The following CHST4 variants were observed in gnomAD, a reference collection of about 807,000 sequenced individuals.
The protein encoded by CHST4 is GST-3.
For synonymous variants in CHST4, 171 were observed against 195.5 expected (o/e 0.87, Z 1.05); for missense variants, 466 against 506.0 (o/e 0.92, Z 0.76).
chr16:71,528,889 T>C (rs920739047), intron 1 of CHST4, among the ~76,000 whole-genome samples: 3 of 152,160 alleles, frequency 2.0e-5, no homozygotes, highest in Non-Finnish European at 2.9e-5. Context: ...GGCACCTTCG[T>C]GGTTCCTGTG....
intron 1 of CHST4, among the ~76,000 whole-genome samples, chr16:71,536,123 T>C (rs2145207242): frequency 6.6e-6 from 1 of 152,304 alleles, no homozygotes; most frequent in Admixed American, 6.5e-5. Flanking sequence ...TGTGCTTAAC[T>C]GCAGTGAGGG....
At chr16:71,534,895 C>A (rs2043976190) in intron 1 of CHST4, among the ~76,000 whole-genome samples, 1 of 152,206 alleles carries the variant, frequency 6.6e-6, no homozygotes, top group East Asian at 1.9e-4. Context: ...TTACAATGTG[C>A]AATAGCTATT....
chr16:71,537,029 C>T lies in CHST4; in HGVS notation c.352C>T (p.Arg118Trp), dbSNP rs762711627. 26 of 1,614,114 alleles carry T rather than the reference C, an allele frequency of 1.6e-5. No individual in the cohort carries two copies. The highest frequency in any genetic ancestry group is 2.7e-5 in the African/African-American group (2 of 75,020). ...TGATGCCTACATGGAACCTGGTCCC[C>T]GGAGACAGTCCAGCCTCTTTCAGTG... ...VFDAYMEPGP[R>W]RQSSLFQWEN... Residue 118 changes from arginine to tryptophan, a missense_variant, in exon 2 of 2, where the codon CGG becomes TGG. Coordinates refer to ENST00000539698, the MANE Select transcript of CHST4 (RefSeq NM_001166395.2). This position sits in a 1 kb window ranked among gnomAD's most constrained non-coding sequence, Gnocchi z 4.2.
chr16:71,533,559 T>TAGC (rs2043964527), intron 1 of CHST4, among the ~76,000 whole-genome samples: 1 of 151,760 alleles, frequency 6.6e-6, no homozygotes, highest in Admixed American at 6.6e-5. Flanking sequence ...AGCAGATAAA[T>TAGC]AGCAGCTGTC....
At chr16:71,526,893 G>A (rs1597033243) in intron 1 of CHST4, among the ~76,000 whole-genome samples, 1 of 152,162 alleles carries the variant, frequency 6.6e-6, no homozygotes, top group Non-Finnish European at 1.5e-5. Flanking sequence ...GCAAGGAGCT[G>A]TAGGTTTTCT....
intron 1 of CHST4, among the ~76,000 whole-genome samples, chr16:71,531,823 T>A (rs1362535104): frequency 1.3e-5 from 2 of 152,186 alleles, no homozygotes; most frequent in East Asian, 3.9e-4. Context: ...TTCTTCTCAT[T>A]TTCCTCTCTT....
In CHST4 at chr16:71,536,990, G is replaced by T; in HGVS notation, c.313G>T (p.Asp105Tyr). ...RDLIRAVFLCDMSVFDAYMEP... is the reference protein window; with the variant it reads ...RDLIRAVFLCYMSVFDAYMEP... ...TCTGATACGGGCCGTCTTCTTGTGC[G>T]ACATGAGCGTCTTTGATGCCTACAT... Residue 105 changes from aspartate (D) to tyrosine (Y), a missense_variant, in exon 2 of 2, where the codon GAC (aspartate) becomes TAC (tyrosine). Physicochemically the swap from Asp to Tyr is radical, Grantham distance 160. Transcript: ENST00000539698. The T allele has an allele frequency of 6.2e-7, 1 of 1,614,062 alleles. No homozygotes were observed. The highest frequency in any genetic ancestry group is 8.5e-7 in the Non-Finnish European group (1 of 1,179,962).
Position 71,537,291 on chromosome 16 carries a change from G to A in CHST4, c.614G>A (p.Arg205Gln), listed in dbSNP as rs779470375. 17 of 1,614,058 alleles carry A rather than the reference G, an allele frequency of 1.1e-5. No homozygotes were observed. The highest frequency in any genetic ancestry group is 5.5e-5 in the South Asian group (5 of 91,080). ...SLNLHIVHLVRDPRAVFRSRE... is the reference protein window; with the variant it reads ...SLNLHIVHLVQDPRAVFRSRE... ...AACCTGCATATCGTGCACCTGGTCCGGGACCCCCGGGCCGTGTTCCGTTCC... is the reference window on the plus strand; with the variant it reads ...AACCTGCATATCGTGCACCTGGTCCAGGACCCCCGGGCCGTGTTCCGTTCC... The change falls in exon 2 of 2, where the codon CGG becomes CAG. Residue 205 changes from arginine (R) to glutamine (Q), a missense_variant. By Grantham distance (43) the Arg-to-Gln change is conservative. Transcript: ENST00000539698. The surrounding 1 kb of genome is among the most constrained non-coding windows in gnomAD (Gnocchi z 4.2).
chr16:71,529,827 C>T (rs937607969), intron 1 of CHST4, among the ~76,000 whole-genome samples: 7 of 152,124 alleles, frequency 4.6e-5, no homozygotes, highest in Admixed American at 4.6e-4. Context: ...GGGATGGCTG[C>T]TAACAGAAGG....
intron 1 of CHST4, among the ~76,000 whole-genome samples, chr16:71,528,249 CAAAAAAAAAA>C (rs10716662): frequency 2.7e-5 from 3 of 109,322 alleles, no homozygotes; most frequent in Admixed American, 2.0e-4. Context: ...GACTTCATTT[CAAAAAAAAAA>C]AAAAAAAAAA....
chr16:71,531,655 C>A (rs1308510307), intron 1 of CHST4, among the ~76,000 whole-genome samples: 5 of 152,162 alleles, frequency 3.3e-5, no homozygotes, highest in Non-Finnish European at 1.5e-5. Context: ...AAGCCCCGCA[C>A]AGGACACAGA....
rs865783287 is a variant in CHST4 at position 71,537,097 on chromosome 16, C to T, written c.420C>T (p.Ile140=). Residue 140 remains isoleucine, a synonymous_variant, in exon 2 of 2, where the codon ATC becomes ATT. Coordinates refer to ENST00000539698, the MANE Select transcript of CHST4 (RefSeq NM_001166395.2). This position sits in a 1 kb window ranked among gnomAD's most constrained non-coding sequence, Gnocchi z 4.2. ...RALCSAPACD[I]IPQDEIIPRA... is the part of the protein sequence containing the mutation. ...TGTGTTCTGCACCTGCCTGTGACAT[C>T]ATCCCACAAGATGAAATCATCCCCC... 1 of 1,614,184 alleles carries T rather than the reference C, an allele frequency of 6.2e-7. No homozygotes were observed. The highest frequency in any genetic ancestry group is 8.5e-7 in the Non-Finnish European group (1 of 1,180,044).
chr16:71,529,108 T>G (rs576358843), intron 1 of CHST4, among the ~76,000 whole-genome samples: 73 of 130,652 alleles, frequency 5.6e-4, no homozygotes, highest in African/African-American at 1.5e-3. Flanking sequence ...TTGTTTTTTG[T>G]TTTTTTTTTT....
At chr16:71,531,683 TGGAG>T (rs1238165361) in intron 1 of CHST4, among the ~76,000 whole-genome samples, 7 of 152,256 alleles carry the variant, frequency 4.6e-5, no homozygotes, top group Admixed American at 2.0e-4. Flanking sequence ...CCAAGCAGGA[TGGAG>T]GGAGGGAGGG....
chr16:71,533,101 C>T (rs947833413), intron 1 of CHST4, among the ~76,000 whole-genome samples: 4 of 151,562 alleles, frequency 2.6e-5, no homozygotes, highest in Admixed American at 2.6e-4. Flanking sequence ...TTCTTGTGTA[C>T]ACATAAAGCA....
At chr16:71,534,227 A>G (rs554540003) in intron 1 of CHST4, among the ~76,000 whole-genome samples, 20 of 151,806 alleles carry the variant, frequency 1.3e-4, no homozygotes, top group African/African-American at 4.6e-4. Flanking sequence ...ACTATTACCT[A>G]TTAAAAACTT....
At chr16:71,533,404 G>C (rs575817876) in intron 1 of CHST4, among the ~76,000 whole-genome samples, 1 of 146,422 alleles carries the variant, frequency 6.8e-6, no homozygotes, top group Non-Finnish European at 1.5e-5. Context: ...TGCAGCCTGG[G>C]CAACAGAGCA....
At chr16:71,527,273 C>T (rs905050538) in intron 1 of CHST4, among the ~76,000 whole-genome samples, 6 of 152,028 alleles carry the variant, frequency 3.9e-5, no homozygotes, top group Admixed American at 1.3e-4. Flanking sequence ...GTAATATTGT[C>T]GATGAAAAGA....
Position 71,537,556 on chromosome 16 carries a change from C to T in CHST4, c.879C>T (p.Phe293=), listed in dbSNP as rs541902014. The change falls in exon 2 of 2, where the codon TTC becomes TTT. Residue 293 remains phenylalanine, a synonymous_variant. Coordinates refer to ENST00000539698, the MANE Select transcript of CHST4 (RefSeq NM_001166395.2). The surrounding 1 kb of genome is among the most constrained non-coding windows in gnomAD (Gnocchi z 4.2). The stretch of plus-strand genomic sequence containing the variant: ...CCCAGACTTCCCGAATGTATGAATT[C>T]GTGGGATTGGAATTCTTGCCCCATC... The part of the protein sequence containing the change: ...PVAQTSRMYE[F]VGLEFLPHLQ... 10 of 1,614,164 alleles carry T rather than the reference C, an allele frequency of 6.2e-6. No individual in the cohort carries two copies. The highest frequency in any genetic ancestry group is 5.5e-5 in the South Asian group (5 of 91,076).
Sources: allele counts gnomAD v4.1 joint callset (sites outside exome capture counted in the v4.1 genomes callset), GRCh38; gene constraint gnomAD v4.1.1; non-coding constraint Gnocchi (gnomAD v3.1); transcripts MANE v1.5; gene names NCBI Gene and HGNC (gene_info 2026-07-23, HGNC 2026-07-21).